The following SNAPC4 variants were observed in gnomAD, a reference collection of about 807,000 sequenced individuals.
SNAPC4 encodes snRNA-activating protein complex subunit 4.
SNAPC4 carries 127 observed loss-of-function variants against 151.3 expected under a neutral mutation model. The ratio of observed to expected loss-of-function variants is 0.84; its 90% CI spans 0.73 to 0.97. The LOEUF is 0.97. Among genes scored for constraint, SNAPC4 ranks in the 50% least tolerant of loss-of-function variants. The pLI, the probability that SNAPC4 is intolerant of heterozygous loss-of-function variation, is 0.00. For synonymous variants in SNAPC4, 1,002 were observed against 824.4 expected (o/e 1.22, Z -3.69); for missense variants, 2,186 against 1,935.0 (o/e 1.13, Z -2.43).
chr9:136,395,172 AAGG>A (rs1834220167), intron 5 of SNAPC4, 123 bp downstream of exon 5: 3 of 1,237,320 alleles, frequency 2.4e-6, no homozygotes, highest in Non-Finnish European at 3.4e-6. Flanking sequence ...AGGCAGTTTG[AAGG>A]AGGTTGGCCA....
intron 5 of SNAPC4, 119 bp downstream of exon 5, chr9:136,395,179 T>C (rs1588766708): frequency 7.9e-5 from 102 of 1,295,666 alleles, no homozygotes; most frequent in East Asian, 6.9e-4. Flanking sequence ...TTGAAGGAGG[T>C]TGGCCAATGT....
chr9:136,379,398 G>T (rs1833607512), intron 21 of SNAPC4, 99 bp from the exon 22 acceptor site: 2 of 1,542,076 alleles, frequency 1.3e-6, no homozygotes, highest in South Asian at 1.2e-5. Flanking sequence ...CATGTGGGGA[G>T]CCTGGGGTCT....
chr9:136,394,983 C>T, intron 5 of SNAPC4, 105 bp from the exon 6 acceptor site: 1 of 1,025,870 alleles, frequency 9.7e-7, no homozygotes, highest in South Asian at 1.5e-5. Context: ...CCCCCTGCCT[C>T]CTGTTCTCCC....
At position 136,378,697 on chromosome 9, in the gene SNAPC4, GA is replaced by G; in HGVS notation, c.3129del (p.Leu1044SerfsTer17). 6.7e-7 allele frequency: 1 copy of G among 1,497,054 alleles called. No homozygotes were observed. Among genetic ancestry groups the G allele is most frequent in the Non-Finnish European group, 8.9e-7 (1 of 1,122,940 alleles). 92.7% of individuals were successfully genotyped at this position (1,497,054 alleles called of 1,614,324 possible). Reference protein sequence around the residue: ...RKQGLPEAPPFLPAAPSPTPL... With the variant: ...RKQGLPEAPPXLPAAPSPTPL... ...GGGGTGGGGCTGGGGGCTGCGGGGAGAAAGGGTGGCGCCTCAGGCAGGCCCT... is the reference window on the plus strand; with the variant it reads ...GGGGTGGGGCTGGGGGCTGCGGGGAGAAGGGTGGCGCCTCAGGCAGGCCCT... On this transcript the variant is annotated frameshift_variant, in exon 22 of 24. Transcript: ENST00000684778. LOFTEE classifies it high-confidence loss of function.
rs769234161 is a variant in SNAPC4, at chr9:136,381,442, CA to C, written c.2318-51del. On this transcript the variant is annotated intron_variant, in intron 18 of 23. Coordinates refer to ENST00000684778, the MANE Select transcript of SNAPC4 (RefSeq NM_003086.4). ...AAAGCAGCCCCAGCTCCCATGGGCA[CA>C]GGGGGATGGGTGGAAAGCAGCCCCA... is the stretch of plus-strand genomic sequence containing the variant. 1.3e-5 allele frequency: 20 copies of C among 1,500,120 alleles called. No homozygotes were observed. In the African/African-American group the frequency reaches 2.8e-4, roughly 21 times the overall value. The allele number at this position is 1,500,120 out of a possible 1,614,324, so 92.9% of individuals were successfully genotyped here.
In SNAPC4 at chr9:136,395,279, C is replaced by A. The variant is rs779584457; in HGVS notation, c.471+19G>T. 1.2e-6 allele frequency: 2 copies of A among 1,609,974 alleles called. No individual in the cohort carries two copies. The highest frequency in any genetic ancestry group is 2.2e-5 in the South Asian group (2 of 90,598). On this transcript the variant is annotated intron_variant, in intron 5 of 23. Coordinates refer to ENST00000684778, the MANE Select transcript of SNAPC4 (RefSeq NM_003086.4). ...CGGTGCAGAGCCTTGCCGACAAGAGCAGGGCCTCGGCCACTCACCACGCCC... is the reference window on the plus strand; with the variant it reads ...CGGTGCAGAGCCTTGCCGACAAGAGAAGGGCCTCGGCCACTCACCACGCCC...
At position 136,377,870 on chromosome 9, in the gene SNAPC4, G is replaced by C. The variant is rs749035030; in HGVS notation, c.3957C>G (p.Leu1319=). The change falls in exon 22 of 24, where the codon CTC becomes CTG. Residue 1319 remains leucine, a synonymous_variant. Transcript: ENST00000684778. ...CCTTGTGCTCCAGGGCCTTCTTGTG[G>C]AGTAGGAGACCGGACAGAGCTCGCA... ...CSLRALSGLL[L]HKKALEHKAT... 6.2e-7 allele frequency: 1 copy of C among 1,611,406 alleles called. No individual in the cohort carries two copies. Among genetic ancestry groups the C allele is most frequent in the Non-Finnish European group, 8.5e-7 (1 of 1,179,824 alleles).
chr9:136,380,608 T>C (rs1003520311), intron 20 of SNAPC4, 132 bp downstream of exon 20: 3 of 613,884 alleles, frequency 4.9e-6, no homozygotes, highest in Non-Finnish European at 5.9e-6. Context: ...TCCCCTCAGG[T>C]GGGAAGTGCA....
At position 136,382,312 on chromosome 9, in the gene SNAPC4, G is replaced by C. The variant is rs1473772399; in HGVS notation, c.2008C>G (p.Pro670Ala). The change falls in exon 17 of 24, where the codon CCT (proline) becomes GCT (alanine). Residue 670 changes from proline to alanine, a missense_variant. By Grantham distance (27) the Pro-to-Ala change is conservative. Transcript: ENST00000684778. ...AGCACCCTCAGCACGGTCTCCACAGGCACTGTCAGCAGACGCCTCCCACCC... is the reference window on the plus strand; with the variant it reads ...AGCACCCTCAGCACGGTCTCCACAGCCACTGTCAGCAGACGCCTCCCACCC... The part of the protein sequence containing the change: ...LEGGRRLLTV[P>A]VETVLRVLRA... 1 of 1,613,016 alleles carries C rather than the reference G, an allele frequency of 6.2e-7. No homozygotes were observed. The highest frequency in any genetic ancestry group is 8.5e-7 in the Non-Finnish European group (1 of 1,179,978).
chr9:136,379,358 C>T (rs762228048), intron 21 of SNAPC4, 59 bp from the exon 22 acceptor site: 20 of 1,599,538 alleles, frequency 1.3e-5, no homozygotes, highest in Admixed American at 1.7e-5. Flanking sequence ...AGGGACAGCC[C>T]CTCGCTGCCA....
chr9:136,392,810 G>A (rs1342243435), intron 7 of SNAPC4, 33 bp from the exon 8 acceptor site: 23 of 1,581,918 alleles, frequency 1.5e-5, no homozygotes, highest in Non-Finnish European at 2.0e-5. Flanking sequence ...AAGGGCTGGG[G>A]CACGAGGGCT....
In SNAPC4 at chr9:136,378,179, AGTT is replaced by A; in HGVS notation, c.3645_3647del (p.Thr1216del). On this transcript the variant is annotated inframe_deletion, in exon 22 of 24. Coordinates refer to ENST00000684778, the MANE Select transcript of SNAPC4 (RefSeq NM_003086.4). ...GGGACCCCGGCGTCCCCCTTGGCTC[AGTT>A]GCTGGGATGACACCACCGAAGGCTG... 1 of 1,611,888 alleles carries A rather than the reference AGTT, an allele frequency of 6.2e-7. No individual in the cohort carries two copies. The highest frequency in any genetic ancestry group is 1.1e-5 in the South Asian group (1 of 90,912).
chr9:136,393,026 C>A (rs1834135682), intron 7 of SNAPC4, among the ~76,000 whole-genome samples: 1 of 152,196 alleles, frequency 6.6e-6, no homozygotes, highest in South Asian at 2.1e-4. Context: ...TGTCTCAGAG[C>A]CTCGCCACAG....
intron 13 of SNAPC4, among the ~76,000 whole-genome samples, chr9:136,385,759 T>C (rs1023242578): frequency 6.6e-6 from 1 of 152,206 alleles, no homozygotes; most frequent in Non-Finnish European, 1.5e-5. Context: ...TTTTACCATA[T>C]TGGCCAGGCT....
rs764645516 is a variant in SNAPC4 at position 136,377,671 on chromosome 9, C to T, written c.4156G>A (p.Val1386Ile). 43 of 1,606,750 alleles carry T rather than the reference C, an allele frequency of 2.7e-5. 1 individual carries two copies. The highest frequency in any genetic ancestry group is 8.9e-5 in the East Asian group (4 of 44,728). The change falls in exon 22 of 24, where the codon GTC becomes ATC. Residue 1386 changes from valine (V) to isoleucine (I), a missense_variant. Physicochemically the swap from Val to Ile is conservative, Grantham distance 29. Transcript: ENST00000684778. Reference sequence around the variant, plus strand: ...GAAGGTACTGAGAGGGTGGTGCGGACGCCTTGGGGGGCCAGGGTGGCCAGG... The same window carrying T: ...GAAGGTACTGAGAGGGTGGTGCGGATGCCTTGGGGGGCCAGGGTGGCCAGG... ...ALLATLAPQG[V>I]RTTLSVPSRV...
intron 5 of SNAPC4, 35 bp downstream of exon 5, chr9:136,395,263 G>A: frequency 6.2e-7 from 1 of 1,606,146 alleles, no homozygotes; most frequent in Non-Finnish European, 8.5e-7. Context: ...ACGGTGCAGA[G>A]CCTTGCCGAC....
chr9:136,388,718 TCTC>T (rs2131492932), intron 10 of SNAPC4, 127 bp from the exon 11 acceptor site: 3 of 1,052,850 alleles, frequency 2.8e-6, no homozygotes, highest in East Asian at 4.8e-5. Context: ...AGACCCCAGC[TCTC>T]CTCCTCCCAG....
intron 10 of SNAPC4, among the ~76,000 whole-genome samples, chr9:136,389,050 C>A (rs1194430268): frequency 6.6e-6 from 1 of 152,172 alleles, no homozygotes. Context: ...AGGTACGGGA[C>A]AGCCCTTGGT....
In SNAPC4 at chr9:136,378,665, G is replaced by C; in HGVS notation, c.3162C>G (p.Pro1054=). Residue 1054 remains proline, a synonymous_variant, in exon 22 of 24, where the codon CCC becomes CCG. Transcript: ENST00000684778. ...TGTGCGTCAGGCTGAGGGGCTGGAC[G>C]GGCAGTGGGGTGGGGCTGGGGGCTG... is the stretch of plus-strand genomic sequence containing the variant. The part of the protein sequence containing the change: ...LPAAPSPTPL[P]VQPLSLTHIG... The C allele has an allele frequency of 6.6e-7, 1 of 1,510,196 alleles. No homozygotes were observed. The highest frequency in any genetic ancestry group is 8.8e-7 in the Non-Finnish European group (1 of 1,131,040). The allele number at this position is 1,510,196 out of a possible 1,614,324, so 93.5% of individuals were successfully genotyped here.
Sources: gnomAD v4.1 joint callset for allele counts (sites outside exome capture counted in the v4.1 genomes callset) on GRCh38, gnomAD v4.1.1 for gene constraint, MANE v1.5 for transcripts, NCBI Gene and HGNC (gene_info 2026-07-23, HGNC 2026-07-21) for gene names.